ATXN2: variants seen among roughly 807,000 people sequenced by gnomAD.
The protein encoded by ATXN2 is ataxin-2.
ATXN2 carries 37 observed loss-of-function variants against 138.6 expected under a neutral mutation model. The observed-to-expected ratio is 0.27, with a 90% confidence interval of 0.21 to 0.35. ATXN2 has a LOEUF of 0.35. ATXN2 is among the 10% of genes least tolerant of loss of function. The pLI is 1.00. For missense variants in ATXN2, 1,216 were observed against 1,480.3 expected, an observed-to-expected ratio of 0.82 and a Z score of 2.93; for synonymous variants, 549 against 543.7, an observed-to-expected ratio of 1.01 and a Z score of -0.13.
rs1878753684 is a variant in ATXN2 at position 111,501,426 on chromosome 12, G to A, written c.1935+8123C>T. Among the ~76,000 whole-genome samples, 3 of 152,284 alleles carry A rather than the reference G, an allele frequency of 2.0e-5. No individual in the cohort carries two copies. In the South Asian group the frequency reaches 6.2e-4, roughly 32 times the overall value. On this transcript the variant is annotated intron_variant, in intron 14 of 24. Coordinates refer to ENST00000673436, the MANE Select transcript of ATXN2 (RefSeq NM_001372574.1). ...GACCTAAGCCACAGCCCCAGGTGGT[G>A]AGAAACAAGCTAAAGAGAAACCTAC...
At chr12:111,518,868 C>T (rs1880000939) in intron 8 of ATXN2, among the ~76,000 whole-genome samples, 1 of 152,156 alleles carries the variant, frequency 6.6e-6, no homozygotes, top group Admixed American at 6.5e-5. Context: ...CAACATCTAT[C>T]AGTGGACATG....
intron 14 of ATXN2, among the ~76,000 whole-genome samples, chr12:111,506,366 A>G (rs1387801451): frequency 6.6e-6 from 1 of 152,202 alleles, no homozygotes; most frequent in African/African-American, 2.4e-5. Flanking sequence ...TGATTTATAT[A>G]TGTAAATTAT....
rs1290207535 is a variant in ATXN2 at position 111,598,415 on chromosome 12, G to T, written c.251+369C>A. 1.0e-6 allele frequency: 1 copy of T among 985,584 alleles called. No homozygotes were observed. The highest frequency in any genetic ancestry group is 4.7e-5 in the South Asian group (1 of 21,308). The allele number at this position is 985,584 out of a possible 1,614,324, so 61.1% of individuals were successfully genotyped here. On this transcript the variant is annotated intron_variant, in intron 1 of 24. Transcript: ENST00000673436. The surrounding 1 kb of genome is among the most constrained non-coding windows in gnomAD (Gnocchi z 4.5). Reference sequence around the variant, plus strand: ...CACCTAAACCGGGAGTGGAGGAGCTGCCCGAGCATCCCCACGCTGCGGGCG... The same window carrying T: ...CACCTAAACCGGGAGTGGAGGAGCTTCCCGAGCATCCCCACGCTGCGGGCG...
At chr12:111,530,798 A>C (rs1254684813) in intron 5 of ATXN2, among the ~76,000 whole-genome samples, 1 of 150,234 alleles carries the variant, frequency 6.7e-6, no homozygotes, top group Admixed American at 6.6e-5. Context: ...TGGACAACAG[A>C]GCGAGACTCC....
At chr12:111,483,165 C>G (rs1877369137) in intron 18 of ATXN2, among the ~76,000 whole-genome samples, 1 of 145,912 alleles carries the variant, frequency 6.9e-6, no homozygotes, top group Non-Finnish European at 1.5e-5. Flanking sequence ...CCAGCCTCAG[C>G]AGCAAAGCAA....
chr12:111,515,540 A>C (rs74783653), intron 10 of ATXN2, among the ~76,000 whole-genome samples: 1 of 152,186 alleles, frequency 6.6e-6, no homozygotes, highest in African/African-American at 2.4e-5. Flanking sequence ...GTTTTTATCA[A>C]TTTTATCTCA....
chr12:111,599,136 G>A lies in ATXN2; in HGVS notation c.-102C>T, dbSNP rs951335474. Reference sequence around the variant, plus strand: ...CGCGGCGGGGACGCGCGGGCGCCGAGCGGGGAGGCGCGGGTTGGCGCGGCC... The same window carrying A: ...CGCGGCGGGGACGCGCGGGCGCCGAACGGGGAGGCGCGGGTTGGCGCGGCC... On this transcript the variant is annotated 5_prime_UTR_variant, in exon 1 of 25. Transcript: ENST00000673436. 8.2e-7 allele frequency: 1 copy of A among 1,217,868 alleles called. No individual in the cohort carries two copies. Among genetic ancestry groups the A allele is most frequent in the African/African-American group, 1.6e-5 (1 of 63,182 alleles). The allele number at this position is 1,217,868 out of a possible 1,614,324, so 75.4% of individuals were successfully genotyped here.
rs559068103 is a variant in ATXN2, at chr12:111,512,451, C to CTT, written c.1558+904_1558+905dup. The CTT allele has an allele frequency of 2.7e-3, 325 of 120,122 alleles. 6 individuals are homozygous for CTT. The highest frequency in any genetic ancestry group is 8.1e-3 in the African/African-American group (240 of 29,688). The allele number at this position is 120,122 out of a possible 1,614,324, so 7.4% of individuals were successfully genotyped here. A position where few individuals can be genotyped will look rare whatever the true frequency, so the allele number is the denominator to read the frequency against. On this transcript the variant is annotated intron_variant, in intron 11 of 24. Transcript: ENST00000673436. ...ATCATGTCAACGTCTAGTTTTTAAA[C>CTT]TTTTTTTTTTTTTTTTTTTTTGAGA... is the stretch of plus-strand genomic sequence containing the variant.
chr12:111,492,479 C>T (rs1487699915), intron 14 of ATXN2, among the ~76,000 whole-genome samples: 1 of 152,132 alleles, frequency 6.6e-6, no homozygotes, highest in African/African-American at 2.4e-5. Flanking sequence ...GTTAGGAGTT[C>T]GAGACCAGCC....
chr12:111,592,659 T>C (rs902898464), intron 1 of ATXN2, among the ~76,000 whole-genome samples: 1 of 150,150 alleles, frequency 6.7e-6, no homozygotes, highest in African/African-American at 2.4e-5. Context: ...GGTGTGCGCA[T>C]GTAGACCCAG....
chr12:111,522,965 T>C (rs1250990540), intron 6 of ATXN2, among the ~76,000 whole-genome samples: 2 of 149,506 alleles, frequency 1.3e-5, no homozygotes, highest in African/African-American at 4.9e-5. Context: ...AATAAGAATA[T>C]GAACAGCTCT....
intron 18 of ATXN2, among the ~76,000 whole-genome samples, chr12:111,478,558 G>A (rs1344706043): frequency 6.6e-6 from 1 of 152,102 alleles, no homozygotes; most frequent in Non-Finnish European, 1.5e-5. Flanking sequence ...GATACCATAA[G>A]ACACCCATTA....
intron 23 of ATXN2, chr12:111,455,075 G>T (rs1565999420): frequency 1.4e-6 from 1 of 703,000 alleles, no homozygotes; most frequent in East Asian, 2.7e-5. Flanking sequence ...AGATCCAACT[G>T]AGTCGCATCT....
At chr12:111,459,997 G>A (rs1272662321) in intron 21 of ATXN2, among the ~76,000 whole-genome samples, 1 of 152,294 alleles carries the variant, frequency 6.6e-6, no homozygotes, top group Non-Finnish European at 1.5e-5. Flanking sequence ...GATTACAGGT[G>A]TGAGCAACTG....
chr12:111,496,016 T>TG (rs938652838), intron 14 of ATXN2, among the ~76,000 whole-genome samples: 24 of 151,160 alleles, frequency 1.6e-4, no homozygotes, highest in Non-Finnish European at 3.2e-4. Context: ...CAGCCATATG[T>TG]GACGGCATGT....
chr12:111,579,847 G>A (rs1592923797), intron 1 of ATXN2, among the ~76,000 whole-genome samples: 1 of 151,650 alleles, frequency 6.6e-6, no homozygotes, highest in Non-Finnish European at 1.5e-5. Flanking sequence ...TTACAGGAGC[G>A]CGCCACCGTG....
rs1252635605 is a variant in ATXN2, at chr12:111,452,704, T to C, written c.*108A>G. The C allele has an allele frequency of 1.2e-5, 15 of 1,244,472 alleles. No individual in the cohort carries two copies. Among genetic ancestry groups the C allele is most frequent in the Non-Finnish European group, 1.6e-5 (14 of 848,854 alleles). 77.1% of individuals were successfully genotyped at this position (1,244,472 alleles called of 1,614,324 possible). ...TTGGATGTTACAAGAAATCAACATA[T>C]ATATTTTAAAAACAAAATAAATGAA... On this transcript the variant is annotated 3_prime_UTR_variant, in exon 25 of 25. Transcript: ENST00000673436.
chr12:111,525,818 G>A (rs1423546211), intron 5 of ATXN2, among the ~76,000 whole-genome samples: 1 of 151,426 alleles, frequency 6.6e-6, no homozygotes, highest in Non-Finnish European at 1.5e-5. Context: ...CCGAGTAGCT[G>A]GGACTACAGG....
At chr12:111,531,697 C>G (rs2135755579) in intron 5 of ATXN2, among the ~76,000 whole-genome samples, 1 of 152,264 alleles carries the variant, frequency 6.6e-6, no homozygotes, top group Non-Finnish European at 1.5e-5. Flanking sequence ...GATGTATGGA[C>G]TGGAACAACA....
Sources: gnomAD v4.1 joint callset for allele counts (sites outside exome capture counted in the v4.1 genomes callset) on GRCh38, gnomAD v4.1.1 for gene constraint, Gnocchi (gnomAD v3.1) non-coding constraint, MANE v1.5 for transcripts, NCBI Gene and HGNC (gene_info 2026-07-23, HGNC 2026-07-21) for gene names.